The following C16orf96 variants were observed in gnomAD, a reference collection of about 807,000 sequenced individuals.
C16orf96 encodes the protein chromosome 16 open reading frame 96.
In C16orf96, 108 loss-of-function variants were observed where a neutral mutation model predicts 103.6. The ratio of observed to expected loss-of-function variants is 1.04; its 90% confidence interval spans 0.89 to 1.22. The LOEUF is 1.22. C16orf96 is among the 50% of genes most tolerant of loss of function. The pLI, the probability that C16orf96 is intolerant of heterozygous loss-of-function variation, is 0.00. For missense variants in C16orf96, 1,586 were observed against 1,464.2 expected, an observed-to-expected ratio of 1.08 and a Z score of -1.36; for synonymous variants, 566 against 593.5, an observed-to-expected ratio of 0.95 and a Z score of 0.67.
chr16:4,551,698 C>T (rs1333163130), upstream of C16orf96, among the ~76,000 whole-genome samples: 2 of 152,088 alleles, frequency 1.3e-5, no homozygotes, highest in Non-Finnish European at 2.9e-5. Context: ...GTGATCTGCC[C>T]ACCTCGGCCT....
Position 4,594,687 on chromosome 16 carries a change from C to T in C16orf96, c.3028-17C>T, listed in dbSNP as rs764484369. ...GGGTCGGGGGCTCCCTAACCCGGGA[C>T]CTGGGCCATCCAACAGGCCGAGGTG... On this transcript the variant is annotated splice_polypyrimidine_tract_variant and intron_variant, in intron 13 of 15. Transcript: ENST00000444310. 1.3e-6 allele frequency: 2 copies of T among 1,550,866 alleles called. No homozygotes were observed. Among genetic ancestry groups the T allele is most frequent in the African/African-American group, 2.7e-5 (2 of 73,024 alleles).
In C16orf96 at chr16:4,575,773, C is replaced by T. The variant is rs773776189; in HGVS notation, c.1293C>T (p.Gly431=). 5.6e-5 allele frequency: 87 copies of T among 1,549,840 alleles called. No individual in the cohort carries two copies. The African/African-American group carries it at 9.3e-4, about 17-fold the overall frequency. The change falls in exon 5 of 16, where the codon GGC becomes GGT. Residue 431 remains glycine, a synonymous_variant. Coordinates refer to ENST00000444310, the MANE Select transcript of C16orf96 (RefSeq NM_001145011.2). ...CCCCACCACCAGCCACTGAGTTTGG[C>T]TCATTGTGGCCTCGACCACTCCAGC... ...SRAPPPATEF[G]SLWPRPLQPY...
chr16:4,567,036 C>A (rs2059390373), intron 1 of C16orf96, among the ~76,000 whole-genome samples: 1 of 151,690 alleles, frequency 6.6e-6, no homozygotes, highest in South Asian at 2.1e-4. Context: ...TTTCTTATTT[C>A]TATTTGTTTT....
upstream of C16orf96, among the ~76,000 whole-genome samples, chr16:4,553,858 G>C (rs1456316709): frequency 1.3e-5 from 2 of 152,172 alleles, no homozygotes; most frequent in African/African-American, 4.8e-5. Flanking sequence ...CCATTTAGCA[G>C]AGAGGGAAGC....
rs763987507 is a variant in C16orf96 at position 4,593,198 on chromosome 16, C to T, written c.2775-26C>T. On this transcript the variant is annotated intron_variant, in intron 11 of 15. Transcript: ENST00000444310. This position sits in a 1 kb window ranked among gnomAD's most constrained non-coding sequence, Gnocchi z 4.2. ...CTGGCCTAGCACGCCTCCCACAGCC[C>T]CTGCTGTGCCCTTGTCCTCCAACAG... 30 of 1,547,930 alleles carry T rather than the reference C, an allele frequency of 1.9e-5. No homozygotes were observed. The South Asian group carries it at 3.3e-4, about 17-fold the overall frequency.
chr16:4,557,340 T>G (rs1486451), intron 1 of C16orf96, among the ~76,000 whole-genome samples: 145,374 of 152,174 alleles, frequency 0.96, 69,796 homozygotes, highest in East Asian at 1. Flanking sequence ...GGAAGAAGGG[T>G]GCTTTAGAGT....
intron 1 of C16orf96, among the ~76,000 whole-genome samples, chr16:4,571,211 G>A (rs1398582414): frequency 6.6e-6 from 1 of 152,014 alleles, no homozygotes; most frequent in African/African-American, 2.4e-5. Context: ...ATGCAACCCT[G>A]TCTCTCCTGC....
chr16:4,594,341 C>T lies in C16orf96; in HGVS notation c.2868-10C>T, dbSNP rs760155178. 1.6e-5 allele frequency: 25 copies of T among 1,550,326 alleles called. No individual in the cohort carries two copies. The highest frequency in any genetic ancestry group is 2.1e-5 in the Non-Finnish European group (24 of 1,146,434). ...CTCCAGGTCGCTGCTGACCCACTGCCCTGCTGCAGGGAACAGCAGTGGCTG... is the reference window on the plus strand; with the variant it reads ...CTCCAGGTCGCTGCTGACCCACTGCTCTGCTGCAGGGAACAGCAGTGGCTG... On this transcript the variant is annotated splice_polypyrimidine_tract_variant and intron_variant, in intron 12 of 15. Transcript: ENST00000444310.
chr16:4,573,976 G>C (rs895421095), intron 2 of C16orf96, among the ~76,000 whole-genome samples: 1 of 150,734 alleles, frequency 6.6e-6, no homozygotes, highest in African/African-American at 2.4e-5. Context: ...TGGGATTACA[G>C]GTGCAAGCCA....
upstream of C16orf96, among the ~76,000 whole-genome samples, chr16:4,553,277 T>A (rs945958512): frequency 1.3e-5 from 2 of 152,186 alleles, no homozygotes; most frequent in Non-Finnish European, 2.9e-5. Context: ...CCTGAAAATA[T>A]CCCACTGTTC....
intron 2 of C16orf96, 145 bp from the exon 3 acceptor site, chr16:4,574,564 A>G (rs1187327617): frequency 6.0e-6 from 4 of 666,944 alleles, no homozygotes; most frequent in African/African-American, 1.8e-5. Context: ...TTGTTTGCCC[A>G]TGGAACCCTT....
At chr16:4,599,427 C>A in intron 15 of C16orf96, 63 bp downstream of exon 15, 1 of 1,389,186 alleles carries the variant, frequency 7.2e-7, no homozygotes, top group South Asian at 1.2e-5. Context: ...AGTCCCTCCT[C>A]GTCTCATCCC....
chr16:4,600,280 T>A lies in C16orf96; in HGVS notation c.3389T>A (p.Val1130Asp). The change falls in exon 16 of 16, where the codon GTC becomes GAC. Residue 1130 changes from valine to aspartate, a missense_variant. Coordinates refer to ENST00000444310, the MANE Select transcript of C16orf96 (RefSeq NM_001145011.2). ...LSRAPHIESR[V>D]GRKPPEEPAN... ...AGAGCTCCACACATTGAGTCCCGAG[T>A]CGGCAGGAAGCCCCCCGAGGAGCCC... The A allele has an allele frequency of 6.4e-7, 1 of 1,550,510 alleles. No homozygotes were observed. The highest frequency in any genetic ancestry group is 8.7e-7 in the Non-Finnish European group (1 of 1,146,814).
chr16:4,584,616 C>A (rs1337459412), intron 7 of C16orf96, among the ~76,000 whole-genome samples: 1 of 152,072 alleles, frequency 6.6e-6, no homozygotes, highest in Admixed American at 6.6e-5. Context: ...CTTACTGCAA[C>A]ATCTGCCTCC....
intron 1 of C16orf96, among the ~76,000 whole-genome samples, chr16:4,565,229 G>C (rs1474598650): frequency 6.6e-6 from 1 of 152,146 alleles, no homozygotes; most frequent in Non-Finnish European, 1.5e-5. Flanking sequence ...GCATGGGTCA[G>C]CTTCTGGAAG....
intron 1 of C16orf96, among the ~76,000 whole-genome samples, chr16:4,566,170 C>G (rs1442558611): frequency 6.6e-6 from 1 of 152,104 alleles, no homozygotes; most frequent in Non-Finnish European, 1.5e-5. Flanking sequence ...TTTATATGGA[C>G]CTATGTTTTC....
intron 10 of C16orf96, 31 bp downstream of exon 10, chr16:4,591,815 G>A: frequency 7.4e-7 from 1 of 1,351,012 alleles, no homozygotes; most frequent in Non-Finnish European, 9.8e-7. Context: ...CTCCTGGTAG[G>A]GGTCCTGCTG....
chr16:4,552,058 CA>C, upstream of C16orf96, among the ~76,000 whole-genome samples: 1 of 152,308 alleles, frequency 6.6e-6, no homozygotes, highest in African/African-American at 2.4e-5. Flanking sequence ...TGATAGTTTA[CA>C]GCTTCATCCA....
At chr16:4,583,202 C>T in intron 7 of C16orf96, among the ~76,000 whole-genome samples, 1 of 151,916 alleles carries the variant, frequency 6.6e-6, no homozygotes, top group East Asian at 1.9e-4. Context: ...TGTGTCATTG[C>T]ACTCCAGCCT....
Sources: gnomAD v4.1 joint callset for allele counts (sites outside exome capture counted in the v4.1 genomes callset) on GRCh38, gnomAD v4.1.1 for gene constraint, Gnocchi (gnomAD v3.1) non-coding constraint, MANE v1.5 for transcripts, NCBI Gene and HGNC (gene_info 2026-07-23, HGNC 2026-07-21) for gene names.